Variants in HDX observed in about 807,000 individuals in gnomAD.
HDX encodes chromosome X open reading frame 43.
A neutral mutation model predicts 45.2 loss-of-function variants in HDX; 19 were observed. That is an observed-to-expected ratio of 0.42 (90% CI 0.29 to 0.62). The LOEUF (loss-of-function observed/expected upper bound fraction) is 0.62, where lower values mean the gene tolerates loss of function less well. Ranked by LOEUF, HDX falls within the 20% of genes least tolerant of loss-of-function variation. The pLI is 0.20. For synonymous variants in HDX, 188 were observed against 172.8 expected (o/e 1.09, Z -0.69); for missense variants, 532 against 493.9 (o/e 1.08, Z -0.73).
intron 5 of HDX, among the ~76,000 whole-genome samples, chrX:84,381,129 G>A (rs779749714): frequency 1.8e-5 from 2 of 110,332 alleles, no homozygotes; most frequent in African/African-American, 6.6e-5. Flanking sequence ...CAATAAATAC[G>A]TAGGAATTAA....
rs778275669 is a variant in HDX at position 84,344,474 on chromosome X, T to C, written c.1453-17A>G. The C allele has an allele frequency of 2.7e-6, 3 of 1,112,461 alleles. No individual in the cohort carries two copies. In the East Asian group the frequency reaches 9.0e-5, roughly 33 times the overall value. 91.7% of individuals were successfully genotyped at this position (1,112,461 alleles called of 1,213,427 possible). ...AATCCAAGTCTTTATAAGAGAAATATAGGAGGAATTTTTGTAAACATAGAA... is the reference window on the plus strand; with the variant it reads ...AATCCAAGTCTTTATAAGAGAAATACAGGAGGAATTTTTGTAAACATAGAA... On this transcript the variant is annotated splice_polypyrimidine_tract_variant and intron_variant, in intron 6 of 10. Coordinates refer to ENST00000373177, the MANE Select transcript of HDX (RefSeq NM_001177479.2).
rs1023364853 is a variant in HDX at position 84,468,683 on chromosome X, C to T, written c.1040G>A (p.Arg347Lys). The T allele has an allele frequency of 8.3e-7, 1 of 1,208,881 alleles. No individual in the cohort carries two copies. Among genetic ancestry groups the T allele is most frequent in the Non-Finnish European group, 1.1e-6 (1 of 894,648 alleles). ...NQSTTLPGPG[R>K]NMPNSQMVNI... The stretch of plus-strand genomic sequence containing the variant: ...CACCATTTGTGAATTTGGCATATTT[C>T]TTCCTGGTCCGGGCAAGGTTGTACT... The change falls in exon 4 of 11, where the codon AGA becomes AAA. Residue 347 changes from arginine to lysine, a missense_variant. By Grantham distance (26) the Arg-to-Lys change is conservative. Transcript: ENST00000373177.
chrX:84,370,438 T>G (rs944083077), intron 5 of HDX, among the ~76,000 whole-genome samples: 1 of 111,680 alleles, frequency 9.0e-6, no homozygotes, highest in Admixed American at 9.6e-5. Context: ...TATAAACCAC[T>G]TACCATCACA....
chrX:84,415,191 CCT>C (rs984881982), intron 5 of HDX, among the ~76,000 whole-genome samples: 1 of 112,007 alleles, frequency 8.9e-6, no homozygotes, highest in Non-Finnish European at 1.9e-5. Context: ...CCCAAACACA[CCT>C]TTTTTATACC....
chrX:84,488,324 AACACACACAC>A (rs200905875), intron 1 of HDX, among the ~76,000 whole-genome samples, 192 bp from the exon 2 acceptor site: 352 of 94,861 alleles, frequency 3.7e-3, no homozygotes, highest in African/African-American at 6.2e-3. Flanking sequence ...TAAAATCTAA[AACACACACAC>A]ACACACACAC....
chrX:84,482,974 T>A (rs2148176581), intron 2 of HDX, among the ~76,000 whole-genome samples: 1 of 112,019 alleles, frequency 8.9e-6, no homozygotes, highest in Admixed American at 9.4e-5. Flanking sequence ...CAAAATCCAA[T>A]AGGGCAGTCA....
intron 9 of HDX, among the ~76,000 whole-genome samples, chrX:84,330,795 G>T (rs1419022284): frequency 1.8e-5 from 2 of 111,658 alleles, no homozygotes; most frequent in African/African-American, 6.5e-5. Context: ...AATATAAACA[G>T]CTTTAAGATA....
chrX:84,371,621 G>A (rs889721692), intron 5 of HDX, among the ~76,000 whole-genome samples: 1 of 111,684 alleles, frequency 9.0e-6, no homozygotes, highest in Non-Finnish European at 1.9e-5. Flanking sequence ...TTAAAGCAGG[G>A]TGTCACAGCC....
At chrX:84,329,533 T>C (rs1305690790) in intron 9 of HDX, among the ~76,000 whole-genome samples, 1 of 111,606 alleles carries the variant, frequency 9.0e-6, no homozygotes, top group African/African-American at 3.3e-5. Context: ...TCATAGCAGG[T>C]TTATTTATAA....
rs184302230 is a variant in HDX at position 84,410,441 on chromosome X, C to T, written c.1305+30091G>A. ...ATTTGTGTGTATGTGTGTGTGTGTGCGCACGTTTATGTAATAAATCACATT... is the reference window on the plus strand; with the variant it reads ...ATTTGTGTGTATGTGTGTGTGTGTGTGCACGTTTATGTAATAAATCACATT... On this transcript the variant is annotated intron_variant, in intron 5 of 10. Coordinates refer to ENST00000373177, the MANE Select transcript of HDX (RefSeq NM_001177479.2). Among the ~76,000 whole-genome samples the T allele has an allele frequency of 3.6e-3, 400 of 110,519 alleles. 3 individuals carry two copies. Among genetic ancestry groups the T allele is most frequent in the African/African-American group, 0.012 (380 of 30,418 alleles).
chrX:84,492,656 T>G (rs2040913680), intron 1 of HDX, among the ~76,000 whole-genome samples: 1 of 111,782 alleles, frequency 8.9e-6, no homozygotes, highest in Non-Finnish European at 1.9e-5. Flanking sequence ...CCATCAGTAC[T>G]GCGAATAACT....
chrX:84,361,400 A>G, intron 6 of HDX, 66 bp downstream of exon 6: 2 of 1,024,467 alleles, frequency 2.0e-6, no homozygotes, highest in Non-Finnish European at 2.7e-6. Flanking sequence ...ACCTCATGTA[A>G]GATTTTAAAG....
At position 84,471,007 on chromosome X, in the gene HDX, A is replaced by G. The variant is rs757116883; in HGVS notation, c.148-1432T>C. Among the ~76,000 whole-genome samples the G allele has an allele frequency of 8.5e-4, 95 of 111,795 alleles. 1 individual carries two copies. Among genetic ancestry groups the G allele is most frequent in the African/African-American group, 2.9e-3 (89 of 30,821 alleles). On this transcript the variant is annotated intron_variant, in intron 3 of 10. Transcript: ENST00000373177. ...CAGTCTCCACCAAATATTTTCCTAAAAAACGAATTAAAATAAATGAAAAAT... is the reference window on the plus strand; with the variant it reads ...CAGTCTCCACCAAATATTTTCCTAAGAAACGAATTAAAATAAATGAAAAAT...
At chrX:84,477,253 C>T (rs1440757046) in intron 2 of HDX, among the ~76,000 whole-genome samples, 1 of 111,471 alleles carries the variant, frequency 9.0e-6, no homozygotes, top group African/African-American at 3.3e-5. Flanking sequence ...CATTAATGTA[C>T]AATCAGAGCT....
chrX:84,437,305 C>T (rs1569341854), intron 5 of HDX, among the ~76,000 whole-genome samples: 1 of 108,983 alleles, frequency 9.2e-6, no homozygotes, highest in Non-Finnish European at 1.9e-5. Context: ...CCTTAGGAGA[C>T]TTTTTTTTTA....
At chrX:84,438,539 C>T (rs1179027253) in intron 5 of HDX, among the ~76,000 whole-genome samples, 1 of 108,064 alleles carries the variant, frequency 9.3e-6, no homozygotes, top group Non-Finnish European at 1.9e-5. Flanking sequence ...GCCCACACCC[C>T]CTCCCTCCCT....
At chrX:84,368,933 T>C (rs951730583) in intron 5 of HDX, among the ~76,000 whole-genome samples, 1 of 110,993 alleles carries the variant, frequency 9.0e-6, no homozygotes, top group African/African-American at 3.3e-5. Flanking sequence ...TTCCTGCTCC[T>C]ATGATAATTG....
chrX:84,445,902 G>T (rs1240156842), intron 4 of HDX, among the ~76,000 whole-genome samples: 1 of 111,377 alleles, frequency 9.0e-6, no homozygotes, highest in Non-Finnish European at 1.9e-5. Flanking sequence ...AAACCAAAAT[G>T]CTATTTGAAA....
chrX:84,437,942 G>A (rs1234589200), intron 5 of HDX, among the ~76,000 whole-genome samples: 1 of 111,287 alleles, frequency 9.0e-6, no homozygotes, highest in African/African-American at 3.3e-5. Flanking sequence ...GGAACAGAGA[G>A]TAGCTCTCCT....
Sources: gnomAD v4.1 joint callset for allele counts (sites outside exome capture counted in the v4.1 genomes callset) on GRCh38, gnomAD v4.1.1 for gene constraint, MANE v1.5 for transcripts, NCBI Gene and HGNC (gene_info 2026-07-23, HGNC 2026-07-21) for gene names.